The following ASPH variants were observed in gnomAD, a reference collection of about 807,000 sequenced individuals.
ASPH encodes aspartyl/asparaginyl beta-hydroxylase.
In ASPH, 100 loss-of-function variants were observed where a neutral mutation model predicts 118.4. That is an observed-to-expected ratio of 0.84 (90% confidence interval 0.72 to 1.00). ASPH has a LOEUF of 1.00. Ranked by LOEUF, ASPH falls within the 50% of genes least tolerant of loss-of-function variation. The pLI, the probability that ASPH is intolerant of heterozygous loss-of-function variation, is 0.00. For missense variants in ASPH, 920 were observed against 919.5 expected, an observed-to-expected ratio of 1.00 and a Z score of -0.01; for synonymous variants, 315 against 325.6, an observed-to-expected ratio of 0.97 and a Z score of 0.35.
At chr8:61,653,765 A>G in intron 3 of ASPH, 105 bp from the exon 4 acceptor site, 2 of 1,138,646 alleles carry the variant, frequency 1.8e-6, no homozygotes, top group Admixed American at 2.8e-5. Flanking sequence ...TAGTGCTGCT[A>G]ATTAATAGTT....
At chr8:61,600,116 A>T (rs1352308429) in intron 14 of ASPH, among the ~76,000 whole-genome samples, 2 of 152,228 alleles carry the variant, frequency 1.3e-5, no homozygotes, top group Non-Finnish European at 2.9e-5. Flanking sequence ...ATGAAAATAA[A>T]AAAAAATACA....
chr8:61,644,578 C>A, intron 7 of ASPH, 22 bp downstream of exon 7: 1 of 1,559,182 alleles, frequency 6.4e-7, no homozygotes, highest in Non-Finnish European at 8.7e-7. Context: ...TAATTAAGAA[C>A]AGAATTAAAT....
chr8:61,510,308 C>T (rs1221532066), intron 24 of ASPH, among the ~76,000 whole-genome samples: 1 of 152,038 alleles, frequency 6.6e-6, no homozygotes, highest in African/African-American at 2.4e-5. Flanking sequence ...GGATTTGAAC[C>T]CAAGTCATGA....
rs1175411480 is a variant in ASPH, at chr8:61,624,169, A to G, written c.935-5150T>C. On this transcript the variant is annotated intron_variant, in intron 13 of 24. Coordinates refer to ENST00000379454, the MANE Select transcript of ASPH (RefSeq NM_004318.4). ...TTTATTGTACATTTTCTATATCTGTATCGAAATATCTCATATAGTCAAATT... is the reference window on the plus strand; with the variant it reads ...TTTATTGTACATTTTCTATATCTGTGTCGAAATATCTCATATAGTCAAATT... 3.4e-6 allele frequency: 3 copies of G among 892,958 alleles called. No individual in the cohort carries two copies. In the African/African-American group the frequency reaches 5.4e-5, roughly 16 times the overall value. 55.3% of individuals were successfully genotyped at this position (892,958 alleles called of 1,614,324 possible).
At chr8:61,550,471 A>ACACACACACACACACACAC (rs1825574826) in intron 20 of ASPH, among the ~76,000 whole-genome samples, 3 of 146,006 alleles carry the variant, frequency 2.1e-5, no homozygotes, top group Non-Finnish European at 4.5e-5. Flanking sequence ...ACACACACAT[A>ACACACACACACACACACAC]AGAGAAAGAG....
intron 14 of ASPH, among the ~76,000 whole-genome samples, chr8:61,610,483 T>C (rs1280284843): frequency 6.6e-6 from 1 of 152,244 alleles, no homozygotes; most frequent in Non-Finnish European, 1.5e-5. Flanking sequence ...AGAAATCTTG[T>C]ATAATTAACT....
chr8:61,671,830 C>T (rs1822702029), intron 3 of ASPH, among the ~76,000 whole-genome samples: 2 of 152,214 alleles, frequency 1.3e-5, no homozygotes, highest in African/African-American at 4.8e-5. Flanking sequence ...AATGTTTGAA[C>T]CATTAAGCCA....
At chr8:61,617,149 T>G (rs1274610076) in intron 14 of ASPH, among the ~76,000 whole-genome samples, 2 of 152,122 alleles carry the variant, frequency 1.3e-5, no homozygotes, top group Admixed American at 1.3e-4. Context: ...ATCTGTGGCA[T>G]ACAGAGGCAT....
chr8:61,682,604 T>C, intron 2 of ASPH: 2 of 924,280 alleles, frequency 2.2e-6, no homozygotes, highest in South Asian at 3.3e-5. Context: ...AAAGCATAGA[T>C]CTACTCAGAA....
In ASPH at chr8:61,633,580, C is replaced by T. The variant is rs537034638; in HGVS notation, c.934+103G>A. 34 of 1,045,646 alleles carry T rather than the reference C, an allele frequency of 3.3e-5. No homozygotes were observed. The African/African-American group carries it at 5.1e-4, about 16-fold the overall frequency. The allele number at this position is 1,045,646 out of a possible 1,614,324, so 64.8% of individuals were successfully genotyped here. A position where few individuals can be genotyped will look rare whatever the true frequency, so the allele number is the denominator to read the frequency against. Reference sequence around the variant, plus strand: ...AAATTAAGGTACAGTTAATCTCTCTCAAAATTTTTATCCTTCGTAGATTCA... The same window carrying T: ...AAATTAAGGTACAGTTAATCTCTCTTAAAATTTTTATCCTTCGTAGATTCA... On this transcript the variant is annotated intron_variant, in intron 13 of 24. Transcript: ENST00000379454.
intron 18 of ASPH, among the ~76,000 whole-genome samples, chr8:61,560,736 G>A (rs1469131603): frequency 6.6e-6 from 1 of 152,088 alleles, no homozygotes; most frequent in African/African-American, 2.4e-5. Context: ...TCGGGATGAA[G>A]TAAAATGTTT....
intron 4 of ASPH, chr8:61,651,465 G>A (rs770895005): frequency 4.9e-6 from 1 of 203,446 alleles, no homozygotes; most frequent in Non-Finnish European, 9.8e-6. Flanking sequence ...ATAAAATAAA[G>A]TGGGAAGAAC....
intron 15 of ASPH, chr8:61,578,588 G>C: frequency 6.6e-7 from 1 of 1,522,580 alleles, no homozygotes. Flanking sequence ...AGACCAAGTG[G>C]AGCCTCCTGC....
chr8:61,622,939 C>T lies in ASPH; in HGVS notation c.935-3920G>A, dbSNP rs555168086. Among the ~76,000 whole-genome samples, 3 of 152,300 alleles carry T rather than the reference C, an allele frequency of 2.0e-5. No homozygotes were observed. In the East Asian group the frequency reaches 5.8e-4, roughly 29 times the overall value. ...CTTCTGGACATGCTGGGGCTAAAAA[C>T]AACCTGTTCTAGAACCCCAGGGGCT... On this transcript the variant is annotated intron_variant, in intron 13 of 24. Coordinates refer to ENST00000379454, the MANE Select transcript of ASPH (RefSeq NM_004318.4).
intron 1 of ASPH, among the ~76,000 whole-genome samples, chr8:61,690,874 T>G (rs1251270151): frequency 6.6e-6 from 1 of 152,184 alleles, no homozygotes; most frequent in Non-Finnish European, 1.5e-5. Flanking sequence ...ACTAGATCAA[T>G]TTTTCAAAAA....
At chr8:61,564,594 C>T (rs1188591792) in intron 17 of ASPH, among the ~76,000 whole-genome samples, 3 of 152,144 alleles carry the variant, frequency 2.0e-5, no homozygotes, top group Admixed American at 6.5e-5. Context: ...CCACTGCGTC[C>T]GGGCAGTAAT....
intron 1 of ASPH, among the ~76,000 whole-genome samples, chr8:61,687,254 C>T (rs1174325305): frequency 6.6e-6 from 1 of 152,062 alleles, no homozygotes. Context: ...CAAGTTAACT[C>T]AGTGATACTC....
At chr8:61,656,031 G>A (rs942371417) in intron 3 of ASPH, 2 of 152,044 alleles carry the variant, frequency 1.3e-5, no homozygotes, top group South Asian at 2.1e-4. Context: ...AAAACTTTTT[G>A]CCACCCAAGC....
intron 14 of ASPH, among the ~76,000 whole-genome samples, chr8:61,585,106 A>G (rs1838988593): frequency 6.6e-6 from 1 of 152,174 alleles, no homozygotes; most frequent in Non-Finnish European, 1.5e-5. Flanking sequence ...AGCAGGCTGA[A>G]TCTGTTTATG....
Sources: allele counts gnomAD v4.1 joint callset (sites outside exome capture counted in the v4.1 genomes callset), GRCh38; gene constraint gnomAD v4.1.1; transcripts MANE v1.5; gene names NCBI Gene and HGNC (gene_info 2026-07-23, HGNC 2026-07-21).